ADSS1: variants seen among roughly 807,000 people sequenced by gnomAD.
ADSS1 encodes the protein adenylosuccinate synthetase isozyme 1.
In ADSS1, 57 loss-of-function variants were observed where a neutral mutation model predicts 59.1. The ratio of observed to expected loss-of-function variants is 0.97; its 90% CI spans 0.78 to 1.20. ADSS1 has a LOEUF of 1.20. Ranked by LOEUF, ADSS1 falls within the 50% of genes most tolerant of loss-of-function variation. The probability of loss-of-function intolerance (pLI) is 0.00; values close to 1 mark genes in which losing one functional copy is unlikely to be tolerated. For missense variants in ADSS1, 603 were observed against 610.3 expected (o/e 0.99, Z 0.13); for synonymous variants, 247 against 249.4 (o/e 0.99, Z 0.09).
intron 3 of ADSS1, 142 bp downstream of exon 3, chr14:104,738,580 C>T (rs373504081): frequency 7.7e-5 from 71 of 921,210 alleles, no homozygotes; most frequent in Non-Finnish European, 1.1e-4. Context: ...GCTCATCACC[C>T]GCCGGCTCTA....
intron 10 of ADSS1, chr14:104,744,468 G>A (rs867818624): frequency 2.8e-5 from 6 of 215,558 alleles, no homozygotes; most frequent in Middle Eastern, 1.6e-3. Flanking sequence ...GTGTGGCGGC[G>A]GATGGTTTCG....
intron 3 of ADSS1, among the ~76,000 whole-genome samples, chr14:104,738,822 G>C (rs1891222443): frequency 6.6e-6 from 1 of 152,256 alleles, no homozygotes; most frequent in African/African-American, 2.4e-5. Context: ...CCCACCAGCT[G>C]GGGGTGTGGG....
At chr14:104,730,759 C>T (rs994062553) in intron 1 of ADSS1, among the ~76,000 whole-genome samples, 1 of 152,090 alleles carries the variant, frequency 6.6e-6, no homozygotes, top group Middle Eastern at 3.4e-3. Context: ...GCCACAGGGC[C>T]GTGCCTTCCC....
chr14:104,743,027 CCACGACAGCTCA>C, intron 9 of ADSS1, 28 bp from the exon 10 acceptor site: 1 of 1,610,288 alleles, frequency 6.2e-7, no homozygotes, highest in Non-Finnish European at 8.5e-7. Flanking sequence ...CACAAGGCTC[CCACGACAGCTCA>C]CATGACGTCC....
At chr14:104,737,529 T>C (rs764892181) in intron 2 of ADSS1, 16 of 152,250 alleles carry the variant, frequency 1.1e-4, no homozygotes, top group Non-Finnish European at 2.1e-4. Flanking sequence ...CGATTATGAA[T>C]AGAGCTGCAC....
At chr14:104,728,985 C>G (rs1890801754) in intron 1 of ADSS1, among the ~76,000 whole-genome samples, 2 of 152,294 alleles carry the variant, frequency 1.3e-5, no homozygotes, top group South Asian at 4.1e-4. Flanking sequence ...AGGCACGGCG[C>G]CGTCAGACAT....
intron 2 of ADSS1, 180 bp from the exon 3 acceptor site, chr14:104,738,196 C>T (rs1891196822): frequency 6.2e-6 from 3 of 487,728 alleles, no homozygotes; most frequent in African/African-American, 4.0e-5. Context: ...TGGGGTTTCA[C>T]CATGTGGGCC....
intron 3 of ADSS1, 89 bp downstream of exon 3, chr14:104,738,527 C>A: frequency 6.9e-7 from 1 of 1,448,716 alleles, no homozygotes; most frequent in Non-Finnish European, 9.6e-7. Flanking sequence ...GTTTCTCCCA[C>A]GGAGGGGACT....
chr14:104,742,060 C>A (rs927986873), intron 9 of ADSS1, 58 bp downstream of exon 9: 2 of 1,594,954 alleles, frequency 1.3e-6, no homozygotes, highest in South Asian at 1.1e-5. Context: ...GCAGGGGTGC[C>A]GGGGGTGGGG....
chr14:104,726,266 C>T (rs551957077), intron 1 of ADSS1, among the ~76,000 whole-genome samples: 108 of 152,362 alleles, frequency 7.1e-4, no homozygotes, highest in Middle Eastern at 3.4e-3. Context: ...GAGGCTCAGG[C>T]GTGGAGGAAT....
intron 4 of ADSS1, 25 bp from the exon 5 acceptor site, chr14:104,739,725 T>C (rs1891265009): frequency 6.2e-7 from 1 of 1,613,320 alleles, no homozygotes; most frequent in Middle Eastern, 1.6e-4. Flanking sequence ...TGTCTCCTGC[T>C]GCCCTCACCT....
rs931774474 is a variant in ADSS1 at position 104,738,589 on chromosome 14, T to C, written c.358+151T>C. The C allele has an allele frequency of 2.8e-5, 24 of 858,624 alleles. No homozygotes were observed. The East Asian group carries it at 6.2e-4, about 22-fold the overall frequency. 53.2% of individuals were successfully genotyped at this position (858,624 alleles called of 1,614,324 possible). A position where few individuals can be genotyped will look rare whatever the true frequency, so the allele number is the denominator to read the frequency against. ...GGCCCAGCTCATCACCCGCCGGCTC[T>C]ACCCGCGCAGAAAGCGAGTGAGCTG... On this transcript the variant is annotated intron_variant, in intron 3 of 12. Transcript: ENST00000330877.
At chr14:104,727,800 A>T (rs1371033863) in intron 1 of ADSS1, among the ~76,000 whole-genome samples, 2 of 152,186 alleles carry the variant, frequency 1.3e-5, no homozygotes, top group African/African-American at 4.8e-5. Context: ...CTTCCTCTGG[A>T]TAACTGGGCT....
In ADSS1 at chr14:104,741,110, C is replaced by T. The variant is rs370851579; in HGVS notation, c.667-7C>T. Reference sequence around the variant, plus strand: ...GGCTCACTCTGCTGCTTGGCCCTTCCTTGCAGGGCTTTGCTGAGCGGATCA... The same window carrying T: ...GGCTCACTCTGCTGCTTGGCCCTTCTTTGCAGGGCTTTGCTGAGCGGATCA... On this transcript the variant is annotated splice_region_variant and splice_polypyrimidine_tract_variant and intron_variant, in intron 7 of 12. Transcript: ENST00000330877. 90 of 1,594,662 alleles carry T rather than the reference C, an allele frequency of 5.6e-5. No individual in the cohort carries two copies. The highest frequency in any genetic ancestry group is 1.7e-4 in the Middle Eastern group (1 of 5,982).
At chr14:104,744,998 G>A in intron 11 of ADSS1, 89 bp downstream of exon 11, 1 of 1,137,142 alleles carries the variant, frequency 8.8e-7, no homozygotes, top group Admixed American at 2.0e-5. Flanking sequence ...AGAGGGGTGA[G>A]TTCCCACGTT....
At chr14:104,727,364 G>C (rs1265481343) in intron 1 of ADSS1, among the ~76,000 whole-genome samples, 1 of 151,854 alleles carries the variant, frequency 6.6e-6, no homozygotes, top group Non-Finnish European at 1.5e-5. Context: ...CTCCATTCCA[G>C]GGCGGCTCTG....
At position 104,741,882 on chromosome 14, in the gene ADSS1, C is replaced by A; in HGVS notation, c.828C>A (p.Thr276=). 1.2e-6 allele frequency: 2 copies of A among 1,613,424 alleles called. No individual in the cohort carries two copies. The highest frequency in any genetic ancestry group is 1.7e-6 in the Non-Finnish European group (2 of 1,179,984). The change falls in exon 9 of 13, where the codon ACC becomes ACA. Residue 276 remains threonine (T), a synonymous_variant. Transcript: ENST00000330877. ...TYPFVTSSNC[T]VGGVCTGLGI... is the part of the protein sequence containing the mutation. ...CCTTTGTGACTTCATCCAACTGCAC[C>A]GTGGGCGGTGTGTGCACGGGCCTGG...
In ADSS1 at chr14:104,746,348, C is replaced by G. The variant is rs2140834117; in HGVS notation, c.1284C>G (p.Asn428Lys). The G allele has an allele frequency of 6.2e-7, 1 of 1,613,700 alleles. No individual in the cohort carries two copies. Among genetic ancestry groups the G allele is most frequent in the Admixed American group, 1.7e-5 (1 of 60,026 alleles). The change falls in exon 12 of 13, where the codon AAC becomes AAG. Residue 428 changes from asparagine to lysine, a missense_variant. Coordinates refer to ENST00000330877, the MANE Select transcript of ADSS1 (RefSeq NM_152328.5). Reference protein sequence around the residue: ...RWEDLPPQAQNYIRFVENHVG... With the variant: ...RWEDLPPQAQKYIRFVENHVG... The stretch of plus-strand genomic sequence containing the variant: ...AGGACCTGCCCCCACAGGCCCAGAA[C>G]TACATCCGCTTTGTGGAGAATCACG...
At position 104,747,019 on chromosome 14, in the gene ADSS1, A is replaced by G. The variant is rs377576526; in HGVS notation, c.*16A>G. 6 of 1,611,738 alleles carry G rather than the reference A, an allele frequency of 3.7e-6. No homozygotes were observed. Among genetic ancestry groups the G allele is most frequent in the Non-Finnish European group, 3.4e-6 (4 of 1,178,024 alleles). On this transcript the variant is annotated 3_prime_UTR_variant, in exon 13 of 13. Coordinates refer to ENST00000330877, the MANE Select transcript of ADSS1 (RefSeq NM_152328.5). ...GCTGTTTTAGTCACAGACTGAGCTGATCCCAACAGGCCCTGGCAGCGTCTG... is the reference window on the plus strand; with the variant it reads ...GCTGTTTTAGTCACAGACTGAGCTGGTCCCAACAGGCCCTGGCAGCGTCTG...
Sources: allele counts gnomAD v4.1 joint callset (sites outside exome capture counted in the v4.1 genomes callset), GRCh38; gene constraint gnomAD v4.1.1; transcripts MANE v1.5; gene names NCBI Gene and HGNC (gene_info 2026-07-23, HGNC 2026-07-21).